KIAA1328: variants seen among roughly 807,000 people sequenced by gnomAD.
The protein encoded by KIAA1328 is protein hinderin.
KIAA1328 carries 52 observed loss-of-function variants against 68.1 expected under a neutral mutation model. The ratio of observed to expected loss-of-function variants is 0.76; its 90% CI spans 0.61 to 0.96. KIAA1328 has a LOEUF of 0.96. KIAA1328 is among the 40% of genes least tolerant of loss of function. The pLI, the probability that KIAA1328 is intolerant of heterozygous loss-of-function variation, is 0.00. For missense variants in KIAA1328, 641 were observed against 677.6 expected (o/e 0.95, Z 0.60); for synonymous variants, 232 against 239.4 (o/e 0.97, Z 0.28).
At chr18:36,870,411 T>C (rs554543545) in intron 4 of KIAA1328, among the ~76,000 whole-genome samples, 1 of 152,308 alleles carries the variant, frequency 6.6e-6, no homozygotes, top group South Asian at 2.1e-4. Context: ...TTCTGAAATA[T>C]AACTTTTCTA....
chr18:36,944,165 C>A (rs943552978), intron 5 of KIAA1328, among the ~76,000 whole-genome samples: 3 of 152,154 alleles, frequency 2.0e-5, no homozygotes, highest in African/African-American at 7.2e-5. Context: ...GGATAATAAT[C>A]ATGTTTGTAA....
intron 4 of KIAA1328, among the ~76,000 whole-genome samples, chr18:36,852,558 T>C (rs2150847788): frequency 6.6e-6 from 1 of 152,280 alleles, no homozygotes; most frequent in Non-Finnish European, 1.5e-5. Context: ...ATCAAGCAGC[T>C]GACCAATCAT....
chr18:37,156,263 C>T (rs565936279), intron 7 of KIAA1328, among the ~76,000 whole-genome samples: 6 of 151,614 alleles, frequency 4.0e-5, no homozygotes, highest in South Asian at 2.1e-4. Context: ...CAAAGTTAGC[C>T]GGGCATGTAA....
At chr18:37,102,881 G>C (rs1185332095) in intron 7 of KIAA1328, among the ~76,000 whole-genome samples, 4 of 152,064 alleles carry the variant, frequency 2.6e-5, no homozygotes, top group Admixed American at 2.6e-4. Context: ...ATACTGTACT[G>C]TACACTTATA....
intron 6 of KIAA1328, among the ~76,000 whole-genome samples, chr18:37,000,255 G>T (rs1568274559): frequency 6.6e-6 from 1 of 152,062 alleles, no homozygotes; most frequent in East Asian, 1.9e-4. Flanking sequence ...AGTAATAAAA[G>T]ACAAAGAAGG....
At chr18:37,124,843 A>G (rs1484935594) in intron 7 of KIAA1328, among the ~76,000 whole-genome samples, 2 of 152,120 alleles carry the variant, frequency 1.3e-5, no homozygotes, top group East Asian at 1.9e-4. Flanking sequence ...ACATTCTTAC[A>G]TGACTGGCTT....
intron 6 of KIAA1328, among the ~76,000 whole-genome samples, chr18:37,041,391 T>A (rs1027025544): frequency 6.6e-6 from 1 of 152,142 alleles, no homozygotes; most frequent in African/African-American, 2.4e-5. Flanking sequence ...GAATGATGTA[T>A]CTTTTTCCAT....
intron 3 of KIAA1328, among the ~76,000 whole-genome samples, chr18:36,843,918 C>T (rs1273493374): frequency 6.6e-6 from 1 of 152,112 alleles, no homozygotes; most frequent in Admixed American, 6.6e-5. Flanking sequence ...GTATTTGTTT[C>T]TATGACATTC....
rs1405927738 is a variant in KIAA1328, at chr18:37,221,850, A to G, written c.1524-167A>G. ...ACAGGCAGCAGGGCCTAGGTTCTTC[A>G]AGTCCTTCTGGTGTTTACCTTCACA... On this transcript the variant is annotated intron_variant, in intron 9 of 9. Transcript: ENST00000280020. 2.0e-5 allele frequency among the ~76,000 whole-genome samples: 3 copies of G among 152,208 alleles called. No homozygotes were observed. The East Asian group carries it at 5.8e-4, about 29-fold the overall frequency.
chr18:37,210,505 C>A (rs1276004012), intron 9 of KIAA1328, among the ~76,000 whole-genome samples: 1 of 152,088 alleles, frequency 6.6e-6, no homozygotes, highest in African/African-American at 2.4e-5. Flanking sequence ...ATAGTTAATA[C>A]CTATGGCTAA....
At chr18:36,862,952 G>A (rs1012069284) in intron 4 of KIAA1328, among the ~76,000 whole-genome samples, 14 of 151,998 alleles carry the variant, frequency 9.2e-5, no homozygotes, top group African/African-American at 3.1e-4. Flanking sequence ...ATTTCCATCT[G>A]TATCTTCTTC....
chr18:36,979,549 A>G (rs1234521178), intron 6 of KIAA1328, among the ~76,000 whole-genome samples: 1 of 152,196 alleles, frequency 6.6e-6, no homozygotes, highest in East Asian at 1.9e-4. Context: ...AACAGAATAA[A>G]GGCTGGTATA....
intron 5 of KIAA1328, among the ~76,000 whole-genome samples, chr18:36,912,253 A>C (rs776133763): frequency 3.3e-5 from 5 of 152,174 alleles, no homozygotes; most frequent in Non-Finnish European, 7.3e-5. Context: ...CAATGGGTTA[A>C]AATCAAGGTG....
At position 36,970,700 on chromosome 18, in the gene KIAA1328, A is replaced by G. The variant is rs561054868; in HGVS notation, c.576+11265A>G. ...AATCATGAGTGAACTCCCATTCACA[A>G]TTGCTACAAAGATAATAAAATACCT... On this transcript the variant is annotated intron_variant, in intron 6 of 9. Transcript: ENST00000280020. 3.9e-5 allele frequency among the ~76,000 whole-genome samples: 6 copies of G among 152,310 alleles called. No homozygotes were observed. In the South Asian group the frequency reaches 8.3e-4, roughly 21 times the overall value.
chr18:37,172,195 T>A (rs2059513110), intron 8 of KIAA1328, among the ~76,000 whole-genome samples: 1 of 152,156 alleles, frequency 6.6e-6, no homozygotes, highest in Non-Finnish European at 1.5e-5. Flanking sequence ...ACTTCATGCA[T>A]CCCGGATAAC....
chr18:36,907,562 T>C (rs571322852), intron 5 of KIAA1328, among the ~76,000 whole-genome samples: 184 of 152,328 alleles, frequency 1.2e-3, no homozygotes, highest in African/African-American at 4.3e-3. Context: ...ATAGTTTTGC[T>C]GATGATTAAT....
chr18:36,928,855 A>G (rs915919769), intron 5 of KIAA1328, among the ~76,000 whole-genome samples: 3 of 152,156 alleles, frequency 2.0e-5, no homozygotes, highest in South Asian at 4.2e-4. Context: ...AAATCCAACT[A>G]TATGTTTGAT....
chr18:37,159,036 CTG>C (rs1568478852), intron 7 of KIAA1328, among the ~76,000 whole-genome samples: 1 of 151,742 alleles, frequency 6.6e-6, no homozygotes, highest in Non-Finnish European at 1.5e-5. Context: ...AAAATGGTCT[CTG>C]TGTTCTGATT....
At chr18:37,107,315 T>C (rs926934261) in intron 7 of KIAA1328, among the ~76,000 whole-genome samples, 1 of 152,222 alleles carries the variant, frequency 6.6e-6, no homozygotes, top group Non-Finnish European at 1.5e-5. Context: ...ATAATAGATA[T>C]GATAAAACAA....
Sources: allele counts gnomAD v4.1 joint callset (sites outside exome capture counted in the v4.1 genomes callset), GRCh38; gene constraint gnomAD v4.1.1; transcripts MANE v1.5; gene names NCBI Gene and HGNC (gene_info 2026-07-23, HGNC 2026-07-21).